C6orf141: variants seen among roughly 807,000 people sequenced by gnomAD.
The protein encoded by C6orf141 is chromosome 6 open reading frame 141.
For missense variants in C6orf141, 361 were observed against 335.8 expected (o/e 1.07, Z -0.59); for synonymous variants, 164 against 140.5 (o/e 1.17, Z -1.18).
At chr6:49,561,101 A>ATT (rs35286960) in intron 4 of C6orf141, among the ~76,000 whole-genome samples, 72,925 of 140,608 alleles carry the variant, frequency 0.52, 19,920 homozygotes, top group Admixed American at 0.67. Context: ...TGTGAGAGTA[A>ATT]TTTTTTTTTT....
chr6:49,556,509 G>A (rs1371666706), downstream of C6orf141, among the ~76,000 whole-genome samples: 1 of 152,102 alleles, frequency 6.6e-6, no homozygotes, highest in Non-Finnish European at 1.5e-5. Flanking sequence ...CAGAAATATG[G>A]CTATTTTGTT....
downstream of C6orf141, among the ~76,000 whole-genome samples, chr6:49,556,658 G>A (rs1771999288): frequency 1.3e-5 from 2 of 152,100 alleles, no homozygotes; most frequent in African/African-American, 4.8e-5. Flanking sequence ...TGAGAGGGGT[G>A]GGGAAAAGGT....
Position 49,551,221 on chromosome 6 carries a change from G to C in C6orf141, c.429G>C (p.Arg143Ser). 1 of 1,551,530 alleles carries C rather than the reference G, an allele frequency of 6.4e-7. No homozygotes were observed. Among genetic ancestry groups the C allele is most frequent in the Middle Eastern group, 1.7e-4 (1 of 5,992 alleles). The change falls in exon 1 of 1, where the codon AGG (arginine) becomes AGC (serine). Residue 143 changes from arginine to serine, a missense_variant. By Grantham distance (110) the Arg-to-Ser change is moderately radical (BLOSUM62 -1). Transcript: ENST00000529246. ...AACGACAAAAGCGAATTTCTGGCAGGCGTGTAGCCCCGCCGCGGGACGCAG... is the reference window on the plus strand; with the variant it reads ...AACGACAAAAGCGAATTTCTGGCAGCCGTGTAGCCCCGCCGCGGGACGCAG... ...VFQRQKRISG[R>S]RVAPPRDAAD... is the part of the protein sequence containing the mutation.
rs1322447247 is a variant in C6orf141 at position 49,551,137 on chromosome 6, C to T, written c.345C>T (p.Asp115=). The change falls in exon 1 of 1, where the codon GAC becomes GAT. Residue 115 remains aspartate (D), a synonymous_variant. Coordinates refer to ENST00000529246, the MANE Select transcript of C6orf141 (RefSeq NM_001145652.2). ...GGGAAGAGGTGGCCGGTGCAGAGGACCTTCCTCATGCGGGTGGAGAGGACC... is the reference window on the plus strand; with the variant it reads ...GGGAAGAGGTGGCCGGTGCAGAGGATCTTCCTCATGCGGGTGGAGAGGACC... The part of the protein sequence containing the change: ...PAREEVAGAE[D]LPHAGGEDHG... 2.1e-5 allele frequency: 33 copies of T among 1,551,580 alleles called. No homozygotes were observed. Among genetic ancestry groups the T allele is most frequent in the Non-Finnish European group, 2.6e-5 (30 of 1,146,996 alleles).
In C6orf141 at chr6:49,551,044, G is replaced by C. The variant is rs1221307512; in HGVS notation, c.252G>C (p.Trp84Cys). ...GGGAGGAATTGGACCGTGAGTCCTG[G>C]GTCAGAGAGAAAGTGCTCTTTCTCC... is the stretch of plus-strand genomic sequence containing the variant. ...RAGEELDRES[W>C]VREKVLFLLH... The change falls in exon 1 of 1, where the codon TGG becomes TGC. Residue 84 changes from tryptophan to cysteine, a missense_variant. Physicochemically the swap from Trp to Cys is radical, Grantham distance 215 (BLOSUM62 -2). Coordinates refer to ENST00000529246, the MANE Select transcript of C6orf141 (RefSeq NM_001145652.2). 1.9e-6 allele frequency: 3 copies of C among 1,551,554 alleles called. No individual in the cohort carries two copies. The highest frequency in any genetic ancestry group is 1.4e-5 in the African/African-American group (1 of 73,160).
At position 49,551,125 on chromosome 6, in the gene C6orf141, C is replaced by A; in HGVS notation, c.333C>A (p.Ala111=). The A allele has an allele frequency of 6.4e-7, 1 of 1,551,670 alleles. No individual in the cohort carries two copies. Among genetic ancestry groups the A allele is most frequent in the Non-Finnish European group, 8.7e-7 (1 of 1,146,974 alleles). Residue 111 remains alanine (A), a synonymous_variant, in exon 1 of 1, where the codon GCC becomes GCA. Transcript: ENST00000529246. ...TRGDPAREEV[A]GAEDLPHAGG... is the part of the protein sequence containing the mutation. ...GGGACCCTGCACGGGAAGAGGTGGCCGGTGCAGAGGACCTTCCTCATGCGG... is the reference window on the plus strand; with the variant it reads ...GGGACCCTGCACGGGAAGAGGTGGCAGGTGCAGAGGACCTTCCTCATGCGG...
At position 49,551,165 on chromosome 6, in the gene C6orf141, G is replaced by A. The variant is rs1015394271; in HGVS notation, c.373G>A (p.Gly125Ser). The change falls in exon 1 of 1, where the codon GGC becomes AGC. Residue 125 changes from glycine to serine, a missense_variant. Gly to Ser is a moderately conservative substitution (Grantham distance 56). Transcript: ENST00000529246. ...TCCTCATGCGGGTGGAGAGGACCAC[G>A]GCGAGGAGCCCAACTACCCTTCTGT... ...DLPHAGGEDH[G>S]EEPNYPSVFQ... 6.4e-7 allele frequency: 1 copy of A among 1,551,622 alleles called. No individual in the cohort carries two copies. Among genetic ancestry groups the A allele is most frequent in the East Asian group, 2.4e-5 (1 of 40,906 alleles).
In C6orf141 at chr6:49,551,538, G is replaced by A; in HGVS notation, c.*11G>A. Reference sequence around the variant, plus strand: ...GAAATTAAACTCTAATGAGTAGCTCGAGAAATGTTCCGGGATGGTGGATGA... The same window carrying A: ...GAAATTAAACTCTAATGAGTAGCTCAAGAAATGTTCCGGGATGGTGGATGA... On this transcript the variant is annotated 3_prime_UTR_variant, in exon 1 of 1. Transcript: ENST00000529246. The A allele has an allele frequency of 1.3e-6, 2 of 1,548,782 alleles. No homozygotes were observed. The highest frequency in any genetic ancestry group is 1.7e-6 in the Non-Finnish European group (2 of 1,146,630).
chr6:49,560,041 C>T (rs188096708), intron 4 of C6orf141, among the ~76,000 whole-genome samples: 6 of 152,158 alleles, frequency 3.9e-5, no homozygotes, highest in East Asian at 1.9e-4. Context: ...AGGCTGGGTG[C>T]GGTGGCTCAT....
At chr6:49,556,133 C>T (rs1478047585), downstream of C6orf141, among the ~76,000 whole-genome samples, 1 of 152,162 alleles carries the variant, frequency 6.6e-6, no homozygotes, top group Non-Finnish European at 1.5e-5. Flanking sequence ...ATCTCAGGCC[C>T]CATTCCAGAT....
chr6:49,559,105 T>C (rs566194249), intron 4 of C6orf141, among the ~76,000 whole-genome samples: 43 of 146,246 alleles, frequency 2.9e-4, no homozygotes, highest in African/African-American at 9.0e-4. Context: ...ACCAGTGGTT[T>C]TTACTAAGAC....
In C6orf141 at chr6:49,550,773, A is replaced by G; in HGVS notation, c.-20A>G. On this transcript the variant is annotated 5_prime_UTR_variant, in exon 1 of 1. Transcript: ENST00000529246. ...AGCTCAGCAGGCGCTTGCTGCTTGAACCGGTCAAAGAAGGAACGAATGAAT... is the reference window on the plus strand; with the variant it reads ...AGCTCAGCAGGCGCTTGCTGCTTGAGCCGGTCAAAGAAGGAACGAATGAAT... 6.9e-7 allele frequency: 1 copy of G among 1,444,484 alleles called. No individual in the cohort carries two copies. Among genetic ancestry groups the G allele is most frequent in the African/African-American group, 1.4e-5 (1 of 69,300 alleles). 89.5% of individuals were successfully genotyped at this position (1,444,484 alleles called of 1,614,324 possible).
chr6:49,551,656 G>C lies in C6orf141; in HGVS notation c.*129G>C, dbSNP rs1035134775. 1.4e-5 allele frequency: 20 copies of C among 1,472,778 alleles called. No homozygotes were observed. The highest frequency in any genetic ancestry group is 2.5e-4 in the Middle Eastern group (1 of 4,000). 91.2% of individuals were successfully genotyped at this position (1,472,778 alleles called of 1,614,324 possible). ...TTTTGAGAGGCTGGTGCAGCGCTTC[G>C]GGGAGGCAGATTAAGAACTGTAAGC... On this transcript the variant is annotated 3_prime_UTR_variant, in exon 1 of 1. Transcript: ENST00000529246.
At chr6:49,557,232 A>G (rs1361529143) in intron 4 of C6orf141, among the ~76,000 whole-genome samples, 17 of 152,184 alleles carry the variant, frequency 1.1e-4, no homozygotes, top group Admixed American at 1.1e-3. Flanking sequence ...AGCCTGGGCA[A>G]CAAGAGCAAA....
rs1268102589 is a variant in C6orf141 at position 49,551,174 on chromosome 6, C to T, written c.382C>T (p.Pro128Ser). Residue 128 changes from proline (P) to serine (S), a missense_variant, in exon 1 of 1, where the codon CCC becomes TCC. Pro to Ser is a moderately conservative substitution (Grantham distance 74). Coordinates refer to ENST00000529246, the MANE Select transcript of C6orf141 (RefSeq NM_001145652.2). Reference protein sequence around the residue: ...HAGGEDHGEEPNYPSVFQRQK... With the variant: ...HAGGEDHGEESNYPSVFQRQK... Reference sequence around the variant, plus strand: ...GGGTGGAGAGGACCACGGCGAGGAGCCCAACTACCCTTCTGTCTTTCAACG... The same window carrying T: ...GGGTGGAGAGGACCACGGCGAGGAGTCCAACTACCCTTCTGTCTTTCAACG... 3.9e-6 allele frequency: 6 copies of T among 1,551,444 alleles called. No homozygotes were observed. The highest frequency in any genetic ancestry group is 8.7e-7 in the Non-Finnish European group (1 of 1,146,938).
chr6:49,551,051 G>A lies in C6orf141; in HGVS notation c.259G>A (p.Glu87Lys). 1 of 1,551,576 alleles carries A rather than the reference G, an allele frequency of 6.4e-7. No homozygotes were observed. The highest frequency in any genetic ancestry group is 8.7e-7 in the Non-Finnish European group (1 of 1,146,978). The change falls in exon 1 of 1, where the codon GAG becomes AAG. Residue 87 changes from glutamate to lysine, a missense_variant. By Grantham distance (56) the Glu-to-Lys change is moderately conservative. Transcript: ENST00000529246. Reference sequence around the variant, plus strand: ...ATTGGACCGTGAGTCCTGGGTCAGAGAGAAAGTGCTCTTTCTCCTGCACCC... The same window carrying A: ...ATTGGACCGTGAGTCCTGGGTCAGAAAGAAAGTGCTCTTTCTCCTGCACCC... ...EELDRESWVR[E>K]KVLFLLHPER...
At chr6:49,555,637 C>A (rs952158618), downstream of C6orf141, among the ~76,000 whole-genome samples, 2 of 151,894 alleles carry the variant, frequency 1.3e-5, no homozygotes, top group African/African-American at 2.4e-5. Flanking sequence ...GCCTCCCGAG[C>A]AGCCGGGACT....
intron 4 of C6orf141, among the ~76,000 whole-genome samples, chr6:49,559,175 T>TGGTCAACTG: frequency 5.5e-3 from 1 of 182 alleles, no homozygotes; most frequent in South Asian, 0.083. Flanking sequence ...CATATATATA[T>TGGTCAACTG]ATATATATAT....
rs1339261800 is a variant in C6orf141, at chr6:49,551,222, C to T, written c.430C>T (p.Arg144Cys). Residue 144 changes from arginine (R) to cysteine (C), a missense_variant, in exon 1 of 1, where the codon CGT becomes TGT. Arg to Cys is a radical substitution (Grantham distance 180). Coordinates refer to ENST00000529246, the MANE Select transcript of C6orf141 (RefSeq NM_001145652.2). ...FQRQKRISGR[R>C]VAPPRDAADP... ...ACGACAAAAGCGAATTTCTGGCAGG[C>T]GTGTAGCCCCGCCGCGGGACGCAGC... 2 of 1,551,536 alleles carry T rather than the reference C, an allele frequency of 1.3e-6. No homozygotes were observed. Among genetic ancestry groups the T allele is most frequent in the Non-Finnish European group, 1.7e-6 (2 of 1,146,916 alleles).
Sources: gnomAD v4.1 joint callset for allele counts (sites outside exome capture counted in the v4.1 genomes callset) on GRCh38, gnomAD v4.1.1 for gene constraint, MANE v1.5 for transcripts, NCBI Gene and HGNC (gene_info 2026-07-23, HGNC 2026-07-21) for gene names.